The following HIP1 variants were observed in gnomAD, a reference collection of about 807,000 sequenced individuals.
HIP1 encodes huntingtin interacting protein 1.
A neutral mutation model predicts 147.6 loss-of-function variants in HIP1; 65 were observed. The ratio of observed to expected loss-of-function variants is 0.44; its 90% CI spans 0.36 to 0.54. The LOEUF is 0.54. Among genes scored for constraint, HIP1 ranks in the 20% least tolerant of loss-of-function variants. The pLI, the probability that HIP1 is intolerant of heterozygous loss-of-function variation, is 0.00. For synonymous variants in HIP1, 479 were observed against 504.0 expected, an observed-to-expected ratio of 0.95 and a Z score of 0.67; for missense variants, 1,061 against 1,299.6, an observed-to-expected ratio of 0.82 and a Z score of 2.82.
chr7:75,715,423 C>A (rs1801283679), intron 1 of HIP1, among the ~76,000 whole-genome samples: 1 of 146,170 alleles, frequency 6.8e-6, no homozygotes, highest in Admixed American at 7.0e-5. Flanking sequence ...GAAGGAAAGA[C>A]AGAAAGAAGG....
chr7:75,717,676 C>CAAAAAAAA lies in HIP1; in HGVS notation c.120+21117_120+21124dup, dbSNP rs55982331. On this transcript the variant is annotated intron_variant, in intron 1 of 30. Transcript: ENST00000336926. Reference sequence around the variant, plus strand: ...GTGAAACCTGTCTCTACTAAAAATACAAAAAAAAAAAAGACCAGGCGCGGT... The same window carrying CAAAAAAAA: ...GTGAAACCTGTCTCTACTAAAAATACAAAAAAAAAAAAAAAAAAAAGACCAGGCGCGGT... Among the ~76,000 whole-genome samples, 75 of 117,712 alleles carry CAAAAAAAA rather than the reference C, an allele frequency of 6.4e-4. 4 individuals are homozygous for CAAAAAAAA. Among genetic ancestry groups the CAAAAAAAA allele is most frequent in the South Asian group, 1.1e-3 (4 of 3,594 alleles). The allele number at this position is 117,712 out of a possible 152,430, so 77.2% of individuals were successfully genotyped here.
At chr7:75,539,138 C>T (rs1794201988) in intron 30 of HIP1, among the ~76,000 whole-genome samples, 185 bp downstream of exon 30, 1 of 152,212 alleles carries the variant, frequency 6.6e-6, no homozygotes, top group Non-Finnish European at 1.5e-5. Context: ...ACCATAACTT[C>T]ACCCAAAGTT....
At chr7:75,711,377 T>C (rs1317494580) in intron 1 of HIP1, among the ~76,000 whole-genome samples, 1 of 152,084 alleles carries the variant, frequency 6.6e-6, no homozygotes, top group Non-Finnish European at 1.5e-5. Context: ...CAAGGACCAA[T>C]AAAATCTTGG....
chr7:75,542,504 G>T (rs776712154), intron 28 of HIP1, among the ~76,000 whole-genome samples: 105 of 152,008 alleles, frequency 6.9e-4, no homozygotes, highest in Non-Finnish European at 1.3e-3. Flanking sequence ...TTCGAGACCA[G>T]CTTGGCTAAC....
At chr7:75,566,046 T>C (rs1158710050) in intron 9 of HIP1, among the ~76,000 whole-genome samples, 1 of 149,978 alleles carries the variant, frequency 6.7e-6, no homozygotes, top group Non-Finnish European at 1.5e-5. Context: ...GTTTTTGTTT[T>C]GAGATGGAAT....
chr7:75,617,482 G>A (rs1797709116), intron 1 of HIP1, among the ~76,000 whole-genome samples: 1 of 152,280 alleles, frequency 6.6e-6, no homozygotes, highest in East Asian at 1.9e-4. Flanking sequence ...CTCCCAAAGT[G>A]CTGGGATTAC....
At chr7:75,651,415 T>C (rs1287060403) in intron 1 of HIP1, among the ~76,000 whole-genome samples, 77 of 125,284 alleles carry the variant, frequency 6.1e-4, no homozygotes, top group African/African-American at 2.4e-3. Flanking sequence ...GCCAAGATTG[T>C]GCCACTGCAT....
At chr7:75,555,958 C>T in intron 18 of HIP1, 68 bp downstream of exon 18, 1 of 1,581,000 alleles carries the variant, frequency 6.3e-7, no homozygotes, top group African/African-American at 1.3e-5. Context: ...CTCCCAGCCT[C>T]CGTGCATGCG....
intron 23 of HIP1, 38 bp from the exon 24 acceptor site, chr7:75,547,851 A>T (rs781902016): frequency 1.3e-6 from 2 of 1,564,894 alleles, no homozygotes; most frequent in Non-Finnish European, 1.8e-6. Flanking sequence ...TGTGCCTTGA[A>T]TATTAAGGAT....
At chr7:75,538,668 G>A (rs992498869) in intron 30 of HIP1, among the ~76,000 whole-genome samples, 22 of 147,856 alleles carry the variant, frequency 1.5e-4, no homozygotes, top group Non-Finnish European at 2.7e-4. Flanking sequence ...TCCGCCTCCC[G>A]GGTTCACGCC....
chr7:75,698,759 G>A (rs1263097749), intron 1 of HIP1, among the ~76,000 whole-genome samples: 1 of 151,962 alleles, frequency 6.6e-6, no homozygotes, highest in Non-Finnish European at 1.5e-5. Context: ...GTTCAAGGCT[G>A]CAGTGAGCTA....
chr7:75,717,051 T>C (rs1468080449), intron 1 of HIP1, among the ~76,000 whole-genome samples: 1 of 152,012 alleles, frequency 6.6e-6, no homozygotes, highest in East Asian at 1.9e-4. Flanking sequence ...ACTCCTGGGC[T>C]CAAGCAATCC....
intron 25 of HIP1, 63 bp downstream of exon 25, chr7:75,546,876 G>A (rs1301321073): frequency 1.6e-5 from 18 of 1,157,412 alleles, no homozygotes; most frequent in African/African-American, 1.4e-4. Flanking sequence ...CACAGAGTCC[G>A]TTGGAGCGGG....
At chr7:75,630,750 AC>A (rs1324462046) in intron 1 of HIP1, among the ~76,000 whole-genome samples, 1 of 152,080 alleles carries the variant, frequency 6.6e-6, no homozygotes, top group Non-Finnish European at 1.5e-5. Flanking sequence ...TGTGCATTGC[AC>A]CACATGTATT....
chr7:75,556,354 T>C (rs1206921559), intron 17 of HIP1, among the ~76,000 whole-genome samples, 185 bp from the exon 18 acceptor site: 1 of 152,034 alleles, frequency 6.6e-6, no homozygotes, highest in Non-Finnish European at 1.5e-5. Flanking sequence ...AGGCCAAGGA[T>C]GGTGGATGAC....
intron 7 of HIP1, among the ~76,000 whole-genome samples, chr7:75,576,499 A>G (rs1165568619): frequency 2.0e-5 from 3 of 152,064 alleles, no homozygotes; most frequent in African/African-American, 7.2e-5. Flanking sequence ...AGGTGGGAGG[A>G]CTGCTTGAGG....
At chr7:75,554,260 A>G (rs374317793) in intron 20 of HIP1, 40 bp from the exon 21 acceptor site, 2 of 1,539,648 alleles carry the variant, frequency 1.3e-6, no homozygotes, top group African/African-American at 2.7e-5. Flanking sequence ...GGTCTGGTTG[A>G]TGGTGACACT....
intron 7 of HIP1, among the ~76,000 whole-genome samples, chr7:75,578,823 G>A (rs1448693141): frequency 2.0e-5 from 3 of 151,554 alleles, no homozygotes; most frequent in Non-Finnish European, 4.4e-5. Flanking sequence ...CATTTCCAAA[G>A]CATTTTTTTT....
At chr7:75,596,675 C>A (rs1383896543) in intron 2 of HIP1, among the ~76,000 whole-genome samples, 1 of 152,198 alleles carries the variant, frequency 6.6e-6, no homozygotes, top group South Asian at 2.1e-4. Flanking sequence ...CATGAGCCAC[C>A]ACACCTGGCC....
Sources: gnomAD v4.1 joint callset for allele counts (sites outside exome capture counted in the v4.1 genomes callset) on GRCh38, gnomAD v4.1.1 for gene constraint, MANE v1.5 for transcripts, NCBI Gene and HGNC (gene_info 2026-07-23, HGNC 2026-07-21) for gene names.